The following SLC22A11 variants were observed in gnomAD, a reference collection of about 807,000 sequenced individuals.
The protein encoded by SLC22A11 is organic anion transporter 4.
In SLC22A11, 42 loss-of-function variants were observed where a neutral mutation model predicts 49.4. That is an observed-to-expected ratio of 0.85 (90% CI 0.66 to 1.10). The LOEUF (loss-of-function observed/expected upper bound fraction) is 1.10, where lower values mean the gene tolerates loss of function less well. Ranked by LOEUF, SLC22A11 falls within the 50% of genes least tolerant of loss-of-function variation. SLC22A11 has a pLI of 0.00. For synonymous variants in SLC22A11, 304 were observed against 315.8 expected (o/e 0.96, Z 0.40); for missense variants, 685 against 731.6 (o/e 0.94, Z 0.74).
chr11:64,555,989 C>G lies in SLC22A11; in HGVS notation c.-11C>G. On this transcript the variant is annotated 5_prime_UTR_variant, in exon 1 of 10. Transcript: ENST00000301891. ...AGGTCAGCAGTCCGCTCAGCCGAGGCAGCTCTGTTCATGGCGTTCTCGAAG... is the reference window on the plus strand; with the variant it reads ...AGGTCAGCAGTCCGCTCAGCCGAGGGAGCTCTGTTCATGGCGTTCTCGAAG... 6.3e-7 allele frequency: 1 copy of G among 1,594,136 alleles called. No individual in the cohort carries two copies. The highest frequency in any genetic ancestry group is 8.5e-7 in the Non-Finnish European group (1 of 1,172,112).
At chr11:64,561,454 TA>T (rs1325636262) in intron 2 of SLC22A11, among the ~76,000 whole-genome samples, 2 of 152,070 alleles carry the variant, frequency 1.3e-5, no homozygotes, top group Non-Finnish European at 2.9e-5. Context: ...TGTTCTTTTT[TA>T]TTTATTTATT....
rs75933978 is a variant in SLC22A11 at position 64,565,307 on chromosome 11, G to T, written c.1028G>T (p.Arg343Leu). Residue 343 changes from arginine to leucine, a missense_variant, in exon 6 of 10, where the codon CGC (arginine) becomes CTC (leucine). Arg to Leu is a moderately radical substitution (Grantham distance 102, BLOSUM62 -2). Transcript: ENST00000301891. The surrounding 1 kb of genome is among the most constrained non-coding windows in gnomAD (Gnocchi z 4.1). Reference protein sequence around the residue: ...VLDLFCVPVLRWRSCAMLVVN... With the variant: ...VLDLFCVPVLLWRSCAMLVVN... ...GACCTGTTCTGCGTGCCCGTGCTCCGCTGGAGGAGCTGCGCCATGCTGGTG... is the reference window on the plus strand; with the variant it reads ...GACCTGTTCTGCGTGCCCGTGCTCCTCTGGAGGAGCTGCGCCATGCTGGTG... 3.2e-3 allele frequency: 4,905 copies of T among 1,550,258 alleles called. 8 individuals carry two copies. Among genetic ancestry groups the T allele is most frequent in the Admixed American group, 4.3e-3 (221 of 51,102 alleles).
chr11:64,558,393 G>T (rs2038492803), intron 1 of SLC22A11, among the ~76,000 whole-genome samples: 1 of 152,232 alleles, frequency 6.6e-6, no homozygotes. Context: ...TACTGCAGCT[G>T]CCCGGGTGGG....
In SLC22A11 at chr11:64,564,557, G is replaced by A. The variant is rs373846427; in HGVS notation, c.942+129G>A. The A allele has an allele frequency of 8.6e-5, 98 of 1,136,962 alleles. No homozygotes were observed. The Admixed American group carries it at 8.8e-4, about 10-fold the overall frequency. The allele number at this position is 1,136,962 out of a possible 1,614,324, so 70.4% of individuals were successfully genotyped here. On this transcript the variant is annotated intron_variant, in intron 5 of 9. Transcript: ENST00000301891. This position sits in a 1 kb window ranked among gnomAD's most constrained non-coding sequence, Gnocchi z 4.2. ...CAGCACCACCACCAGCATCTCCACA[G>A]ACACCACCAACACCTCCATCACCAC...
In SLC22A11 at chr11:64,565,785, G is replaced by A; in HGVS notation, c.1058+448G>A. On this transcript the variant is annotated intron_variant, in intron 6 of 9. Transcript: ENST00000301891. The surrounding 1 kb of genome is among the most constrained non-coding windows in gnomAD (Gnocchi z 4.1). ...CTCCATGCAACCCCACTTCACTGATGGGGAAAGAGGATCCCAGAGGGGTAA... is the reference window on the plus strand; with the variant it reads ...CTCCATGCAACCCCACTTCACTGATAGGGAAAGAGGATCCCAGAGGGGTAA... 1 of 342,934 alleles carries A rather than the reference G, an allele frequency of 2.9e-6. No individual in the cohort carries two copies. Among genetic ancestry groups the A allele is most frequent in the South Asian group, 2.3e-5 (1 of 43,616 alleles). 21.2% of individuals were successfully genotyped at this position (342,934 alleles called of 1,614,324 possible). A position where few individuals can be genotyped will look rare whatever the true frequency, so the allele number is the denominator to read the frequency against.
intron 4 of SLC22A11, among the ~76,000 whole-genome samples, chr11:64,563,610 T>TAAAAAAAAAAAAAAAAAAAA (rs869085115): frequency 2.3e-5 from 1 of 43,858 alleles, no homozygotes; most frequent in Non-Finnish European, 3.8e-5. Context: ...TTAAATGTGC[T>TAAAAAAAAAAAAAAAAAAAA]AAAAAAAAAA....
chr11:64,556,489 C>T, intron 1 of SLC22A11, 97 bp downstream of exon 1: 1 of 1,511,354 alleles, frequency 6.6e-7, no homozygotes, highest in Non-Finnish European at 8.9e-7. Context: ...CTGGGAGGGA[C>T]CCGCCTCCTC....
intron 1 of SLC22A11, among the ~76,000 whole-genome samples, chr11:64,557,565 A>G (rs1455161460): frequency 6.6e-6 from 1 of 151,690 alleles, no homozygotes; most frequent in East Asian, 1.9e-4. Flanking sequence ...GTGTCTGCGC[A>G]CAGGTGCTGA....
At chr11:64,569,938 C>T in intron 9 of SLC22A11, 80 bp downstream of exon 9, 1 of 1,374,096 alleles carries the variant, frequency 7.3e-7, no homozygotes, top group Non-Finnish European at 1.0e-6. Context: ...CTGCCCAGGG[C>T]AAAGGCTCAA....
intron 1 of SLC22A11, among the ~76,000 whole-genome samples, chr11:64,557,399 C>T (rs1166975380): frequency 6.6e-6 from 1 of 152,164 alleles, no homozygotes; most frequent in African/African-American, 2.4e-5. Context: ...CAGCCTCCTT[C>T]AGGCAGATGG....
At chr11:64,570,507 G>C (rs57253048) in intron 9 of SLC22A11, among the ~76,000 whole-genome samples, 1 of 152,164 alleles carries the variant, frequency 6.6e-6, no homozygotes, top group South Asian at 2.1e-4. Context: ...AAAGCACCTG[G>C]GAAAATGCCA....
intron 7 of SLC22A11, 48 bp from the exon 8 acceptor site, chr11:64,568,622 G>A (rs765933896): frequency 6.6e-7 from 1 of 1,523,700 alleles, no homozygotes; most frequent in South Asian, 1.1e-5. Context: ...ACTAGCCCCT[G>A]GGTACCCTCC....
chr11:64,567,477 C>A, intron 6 of SLC22A11, 122 bp from the exon 7 acceptor site: 1 of 879,214 alleles, frequency 1.1e-6, no homozygotes, highest in Non-Finnish European at 1.8e-6. Context: ...CCGAGACAAG[C>A]CCAGGATTGT....
At chr11:64,557,691 G>A (rs1255988635) in intron 1 of SLC22A11, among the ~76,000 whole-genome samples, 1 of 147,128 alleles carries the variant, frequency 6.8e-6, no homozygotes, top group Non-Finnish European at 1.5e-5. Context: ...GAGCACAGTG[G>A]CACAAACATG....
chr11:64,560,564 G>A (rs1050337653), intron 2 of SLC22A11, among the ~76,000 whole-genome samples: 3 of 152,162 alleles, frequency 2.0e-5, no homozygotes, highest in African/African-American at 4.8e-5. Flanking sequence ...CACGCAGGCC[G>A]CAACTCAATG....
At chr11:64,561,959 T>C in intron 2 of SLC22A11, 45 bp from the exon 3 acceptor site, 3 of 1,572,168 alleles carry the variant, frequency 1.9e-6, no homozygotes, top group Non-Finnish European at 2.6e-6. Flanking sequence ...ATCCACGTCC[T>C]CAGGGGCCCC....
Position 64,565,590 on chromosome 11 carries a change from G to GGGGTCCCA in SLC22A11, c.1058+265_1058+272dup, listed in dbSNP as rs994618664. The GGGGTCCCA allele has an allele frequency of 1.8e-6, 1 of 570,146 alleles. No individual in the cohort carries two copies. The allele number at this position is 570,146 out of a possible 1,614,324, so 35.3% of individuals were successfully genotyped here. ...CAGAGGAAAAGGCAGCTCTAGGCTGGGGGTCCCAGGGTCCCAGGGAGGTCC... is the reference window on the plus strand; with the variant it reads ...CAGAGGAAAAGGCAGCTCTAGGCTGGGGGTCCCAGGGTCCCAGGGTCCCAGGGAGGTCC... On this transcript the variant is annotated intron_variant, in intron 6 of 9. Transcript: ENST00000301891. The surrounding 1 kb of genome is among the most constrained non-coding windows in gnomAD (Gnocchi z 4.1).
intron 6 of SLC22A11, chr11:64,566,019 G>A (rs374140619): frequency 1.8e-5 from 3 of 166,362 alleles, no homozygotes; most frequent in East Asian, 1.6e-4. Context: ...CCAGTCAGGC[G>A]CGGTGGCTCA....
chr11:64,562,395 G>T lies in SLC22A11; in HGVS notation c.781G>T (p.Ala261Ser). 6.2e-7 allele frequency: 1 copy of T among 1,603,606 alleles called. No individual in the cohort carries two copies. Among genetic ancestry groups the T allele is most frequent in the Non-Finnish European group, 8.5e-7 (1 of 1,174,344 alleles). Residue 261 changes from alanine (A) to serine (S), a missense_variant, in exon 4 of 10, where the codon GCA (alanine) becomes TCA (serine). Coordinates refer to ENST00000301891, the MANE Select transcript of SLC22A11 (RefSeq NM_018484.4). This position sits in a 1 kb window ranked among gnomAD's most constrained non-coding sequence, Gnocchi z 4.4. ...GCGGGACTGGAGGACTCTCCAGCTGGCAGCATCAGTGCCCTTCTTTGCCAT... is the reference window on the plus strand; with the variant it reads ...GCGGGACTGGAGGACTCTCCAGCTGTCAGCATCAGTGCCCTTCTTTGCCAT... ...ALRDWRTLQL[A>S]ASVPFFAISL...
Sources: allele counts gnomAD v4.1 joint callset (sites outside exome capture counted in the v4.1 genomes callset), GRCh38; gene constraint gnomAD v4.1.1; non-coding constraint Gnocchi (gnomAD v3.1); transcripts MANE v1.5; gene names NCBI Gene and HGNC (gene_info 2026-07-23, HGNC 2026-07-21).